Variants in PGBD2 observed in about 807,000 individuals in gnomAD.
PGBD2 encodes the protein piggyBac transposable element-derived protein 2.
In PGBD2, 6 loss-of-function variants were observed where a neutral mutation model predicts 8.1. The observed-to-expected ratio is 0.74, with a 90% CI of 0.40 to 1.46. PGBD2 has a LOEUF of 1.46. Ranked by LOEUF, PGBD2 falls within the 40% of genes most tolerant of loss-of-function variation. The pLI is 0.02. For missense variants in PGBD2, 802 were observed against 739.0 expected (o/e 1.09, Z -0.99); for synonymous variants, 318 against 272.2 (o/e 1.17, Z -1.66).
At chr1:248,901,472 C>T (rs1427882402), upstream of PGBD2, among the ~76,000 whole-genome samples, 1 of 152,066 alleles carries the variant, frequency 6.6e-6, no homozygotes, top group Non-Finnish European at 1.5e-5. Flanking sequence ...ATAAACCTGA[C>T]AAAAACAAGC....
At chr1:248,911,325 G>A (rs1280166395) in intron 1 of PGBD2, among the ~76,000 whole-genome samples, 1 of 150,954 alleles carries the variant, frequency 6.6e-6, no homozygotes, top group Non-Finnish European at 1.5e-5. Flanking sequence ...GACTCTTAAC[G>A]AGCATCCTGC....
chr1:248,906,497 G>A (rs994307891), intron 1 of PGBD2, 155 bp downstream of exon 1: 7 of 151,712 alleles, frequency 4.6e-5, no homozygotes, highest in African/African-American at 1.5e-4. Flanking sequence ...CAGGAACAAT[G>A]GGATTCCGAG....
At position 248,917,848 on chromosome 1, in the gene PGBD2, T is replaced by C; in HGVS notation, c.1264T>C (p.Cys422Arg). 1 of 1,614,206 alleles carries C rather than the reference T, an allele frequency of 6.2e-7. No individual in the cohort carries two copies. Among genetic ancestry groups the C allele is most frequent in the Admixed American group, 1.7e-5 (1 of 60,030 alleles). ...RWHDSSVVNI[C>R]SNAVGIEPVR... is the part of the protein sequence containing the mutation. ...GCACGATAGCAGCGTGGTCAACATT[T>C]GCTCCAATGCTGTGGGCATAGAGCC... is the stretch of plus-strand genomic sequence containing the variant. Residue 422 changes from cysteine to arginine, a missense_variant, in exon 3 of 3, where the codon TGC (cysteine) becomes CGC (arginine). Transcript: ENST00000329291.
At chr1:248,916,149 C>T (rs1558288425) in intron 2 of PGBD2, among the ~76,000 whole-genome samples, 1 of 152,198 alleles carries the variant, frequency 6.6e-6, no homozygotes, top group South Asian at 2.1e-4. Flanking sequence ...TGCCATGGCT[C>T]ACGCCTGTAA....
chr1:248,916,701 G>A lies in PGBD2; in HGVS notation c.117G>A (p.Arg39=). The change falls in exon 3 of 3, where the codon AGG becomes AGA. Residue 39 remains arginine (R), a synonymous_variant. Transcript: ENST00000329291. ...AMEEEESNNN[R]EEIFIAPPDN... ...AGGAGGAAGAGTCCAACAACAACAG[G>A]GAAGAGATTTTCATTGCACCTCCCG... is the stretch of plus-strand genomic sequence containing the variant. The A allele has an allele frequency of 6.2e-7, 1 of 1,614,100 alleles. No homozygotes were observed. Among genetic ancestry groups the A allele is most frequent in the Non-Finnish European group, 8.5e-7 (1 of 1,180,028 alleles).
the PGBD2 span, among the ~76,000 whole-genome samples, chr1:248,889,711 C>T: frequency 6.6e-6 from 1 of 152,154 alleles, no homozygotes; most frequent in Non-Finnish European, 1.5e-5. Context: ...CACTGGAGCC[C>T]CAGTAAAACA....
chr1:248,908,449 C>T (rs1184617341), intron 1 of PGBD2, among the ~76,000 whole-genome samples: 1 of 152,072 alleles, frequency 6.6e-6, no homozygotes, highest in Non-Finnish European at 1.5e-5. Context: ...AGGAGGCTTC[C>T]CCGATCAGCT....
At chr1:248,914,275 G>A (rs1242992809) in intron 2 of PGBD2, among the ~76,000 whole-genome samples, 1 of 152,206 alleles carries the variant, frequency 6.6e-6, no homozygotes, top group Non-Finnish European at 1.5e-5. Flanking sequence ...AGTCAAGCCT[G>A]GTAGAGACCT....
chr1:248,914,531 G>A, intron 2 of PGBD2: 2 of 1,289,224 alleles, frequency 1.6e-6, no homozygotes, highest in South Asian at 2.5e-5. Context: ...AATTTCTAAT[G>A]CAGCCTGAAC....
At chr1:248,878,491 A>G in the PGBD2 span, among the ~76,000 whole-genome samples, 1 of 152,068 alleles carries the variant, frequency 6.6e-6, no homozygotes, top group Non-Finnish European at 1.5e-5. Flanking sequence ...ATCCTTTATG[A>G]CCATAAAGGC....
the PGBD2 span, among the ~76,000 whole-genome samples, chr1:248,874,346 C>T: frequency 2.6e-5 from 4 of 152,198 alleles, no homozygotes; most frequent in Non-Finnish European, 5.9e-5. Flanking sequence ...ACTGTTGCCG[C>T]AGGGCTAACC....
the PGBD2 span, among the ~76,000 whole-genome samples, chr1:248,898,879 A>G: frequency 6.6e-6 from 1 of 152,250 alleles, no homozygotes; most frequent in Admixed American, 6.5e-5. Flanking sequence ...ATGCAGAGAC[A>G]CAAATAGGCT....
At chr1:248,873,508 G>A in the PGBD2 span, among the ~76,000 whole-genome samples, 537 of 152,340 alleles carry the variant, frequency 3.5e-3, 4 homozygotes, top group African/African-American at 0.012. Flanking sequence ...ACTACTTTCC[G>A]AGTAGTAACT....
At chr1:248,894,653 TTTC>T in the PGBD2 span, among the ~76,000 whole-genome samples, 12 of 151,978 alleles carry the variant, frequency 7.9e-5, no homozygotes, top group African/African-American at 1.5e-4. Flanking sequence ...ATATACACAT[TTTC>T]TTTTTTCTTC....
At chr1:248,885,342 C>T in the PGBD2 span, among the ~76,000 whole-genome samples, 243 of 150,684 alleles carry the variant, frequency 1.6e-3, 2 homozygotes, top group East Asian at 0.019. Flanking sequence ...GGTTTTGCTA[C>T]GTTTCCCAGA....
chr1:248,924,000 C>G (rs1381793066), downstream of PGBD2, among the ~76,000 whole-genome samples: 1 of 152,198 alleles, frequency 6.6e-6, no homozygotes, highest in African/African-American at 2.4e-5. Flanking sequence ...AAGGAAAAAA[C>G]CAAGGTAAGC....
chr1:248,879,406 G>A, the PGBD2 span, among the ~76,000 whole-genome samples: 258 of 151,962 alleles, frequency 1.7e-3, 1 homozygote, highest in Non-Finnish European at 2.2e-3. Flanking sequence ...TTTATTTTTT[G>A]TTTTTTGAGA....
intron 2 of PGBD2, among the ~76,000 whole-genome samples, chr1:248,916,265 T>A (rs1210936676): frequency 6.6e-6 from 1 of 151,974 alleles, no homozygotes; most frequent in African/African-American, 2.4e-5. Flanking sequence ...TATAAAAAAA[T>A]TAGCCGGGCA....
chr1:248,888,825 C>T, the PGBD2 span, among the ~76,000 whole-genome samples: 2 of 152,068 alleles, frequency 1.3e-5, no homozygotes, highest in Non-Finnish European at 1.5e-5. Flanking sequence ...GGCGAATGTC[C>T]GGAAGTGTAT....
Sources: gnomAD v4.1 joint callset for allele counts (sites outside exome capture counted in the v4.1 genomes callset) on GRCh38, gnomAD v4.1.1 for gene constraint, MANE v1.5 for transcripts, NCBI Gene and HGNC (gene_info 2026-07-23, HGNC 2026-07-21) for gene names.